The following SCNN1G variants were observed in gnomAD, a reference collection of about 807,000 sequenced individuals.
SCNN1G encodes the protein sodium channel epithelial 1 subunit gamma, also known as epithelial sodium channel subunit gamma.
A neutral mutation model predicts 64.6 loss-of-function variants in SCNN1G; 27 were observed. That is an observed-to-expected ratio of 0.42 (90% CI 0.31 to 0.58). The LOEUF is 0.58. SCNN1G is among the 20% of genes least tolerant of loss of function. The pLI, the probability that SCNN1G is intolerant of heterozygous loss-of-function variation, is 0.18. For synonymous variants in SCNN1G, 330 were observed against 314.2 expected, an observed-to-expected ratio of 1.05 and a Z score of -0.53; for missense variants, 743 against 823.4, an observed-to-expected ratio of 0.90 and a Z score of 1.19.
intron 5 of SCNN1G, among the ~76,000 whole-genome samples, chr16:23,196,902 G>A (rs1050902270): frequency 3.9e-5 from 6 of 152,166 alleles, no homozygotes; most frequent in South Asian, 2.1e-4. Flanking sequence ...TTAAGCAGCC[G>A]GAGCAATGCA....
At chr16:23,205,322 A>G (rs530224018) in intron 6 of SCNN1G, among the ~76,000 whole-genome samples, 23 of 152,102 alleles carry the variant, frequency 1.5e-4, no homozygotes, top group Admixed American at 1.2e-3. Flanking sequence ...CAACCCCCTT[A>G]CGCCCACGGT....
At chr16:23,184,246 T>C (rs1223271879) in intron 1 of SCNN1G, among the ~76,000 whole-genome samples, 4 of 152,156 alleles carry the variant, frequency 2.6e-5, no homozygotes, top group African/African-American at 9.7e-5. Context: ...AGGTCGGTTC[T>C]GGGGAAGGGG....
At chr16:23,192,563 T>C in intron 4 of SCNN1G, 21 bp downstream of exon 4, 2 of 1,599,458 alleles carry the variant, frequency 1.3e-6, no homozygotes, top group East Asian at 4.5e-5. Flanking sequence ...AATGCTGCTC[T>C]CTCAGCCTCT....
At chr16:23,185,332 C>T (rs954406643) in intron 1 of SCNN1G, among the ~76,000 whole-genome samples, 3 of 152,174 alleles carry the variant, frequency 2.0e-5, no homozygotes, top group African/African-American at 7.2e-5. Flanking sequence ...ATATTATAAA[C>T]ATGAAATGAG....
chr16:23,211,587 A>C (rs1363224192), intron 7 of SCNN1G, among the ~76,000 whole-genome samples: 2 of 152,144 alleles, frequency 1.3e-5, no homozygotes, highest in Non-Finnish European at 2.9e-5. Flanking sequence ...AGGTGGGAGG[A>C]TCACTTGAGG....
chr16:23,198,808 C>A (rs953285112), intron 6 of SCNN1G, among the ~76,000 whole-genome samples: 1 of 150,958 alleles, frequency 6.6e-6, no homozygotes, highest in Non-Finnish European at 1.5e-5. Context: ...TAGTCCCAGC[C>A]ACTCAGGAGG....
intron 6 of SCNN1G, among the ~76,000 whole-genome samples, chr16:23,198,574 C>T (rs914943416): frequency 2.0e-5 from 3 of 146,948 alleles, no homozygotes; most frequent in East Asian, 2.1e-4. Context: ...CTACCAAAAA[C>T]GAAATACAAA....
chr16:23,212,989 G>C (rs1960104863), intron 10 of SCNN1G, 95 bp downstream of exon 10: 1 of 1,532,494 alleles, frequency 6.5e-7, no homozygotes. Flanking sequence ...CATGGTCCAG[G>C]GGGAAAAGAA....
In SCNN1G at chr16:23,215,229, G is replaced by A. The variant is rs765932573; in HGVS notation, c.1710G>A (p.Lys570=). 1.2e-5 allele frequency: 20 copies of A among 1,614,066 alleles called. No homozygotes were observed. The highest frequency in any genetic ancestry group is 1.5e-5 in the Non-Finnish European group (18 of 1,180,032). Residue 570 remains lysine (K), a synonymous_variant, in exon 13 of 13, where the codon AAG becomes AAA. Coordinates refer to ENST00000300061, the MANE Select transcript of SCNN1G (RefSeq NM_001039.4). ...CCCGCCGCCAGTGGCAGAAAGCCAAGGAGTGGTGGGCCTGGAAACAGGCTC... is the reference window on the plus strand; with the variant it reads ...CCCGCCGCCAGTGGCAGAAAGCCAAAGAGTGGTGGGCCTGGAAACAGGCTC... ...IIARRQWQKA[K]EWWAWKQAPP... is the part of the protein sequence containing the mutation.
intron 6 of SCNN1G, among the ~76,000 whole-genome samples, chr16:23,198,569 A>G (rs779350180): frequency 5.9e-5 from 9 of 151,830 alleles, no homozygotes; most frequent in Non-Finnish European, 7.4e-5. Flanking sequence ...CATCTCTACC[A>G]AAAACGAAAT....
intron 6 of SCNN1G, among the ~76,000 whole-genome samples, chr16:23,209,218 C>G (rs980062555): frequency 1.3e-5 from 2 of 152,122 alleles, no homozygotes; most frequent in Non-Finnish European, 2.9e-5. Context: ...GCCTTGACCT[C>G]CTGGGCTCAA....
At position 23,194,023 on chromosome 16, in the gene SCNN1G, C is replaced by T; in HGVS notation, c.810-148C>T. 1.0e-5 allele frequency: 7 copies of T among 694,050 alleles called. No individual in the cohort carries two copies. In the South Asian group the frequency reaches 1.1e-4, roughly 11 times the overall value. 43.0% of individuals were successfully genotyped at this position (694,050 alleles called of 1,614,324 possible). The stretch of plus-strand genomic sequence containing the variant: ...AACCAGGATGAGGGGCCTTGTTTGT[C>T]ATTTGATCAGGAGCAAGATGGGGAA... On this transcript the variant is annotated intron_variant, in intron 4 of 12. Coordinates refer to ENST00000300061, the MANE Select transcript of SCNN1G (RefSeq NM_001039.4).
At chr16:23,187,671 A>G (rs1392118155) in intron 2 of SCNN1G, among the ~76,000 whole-genome samples, 3 of 152,118 alleles carry the variant, frequency 2.0e-5, no homozygotes, top group African/African-American at 7.2e-5. Flanking sequence ...AGCTGCCCCA[A>G]ACCCTCATCT....
chr16:23,194,786 G>C (rs1280639082), intron 5 of SCNN1G: 11 of 179,390 alleles, frequency 6.1e-5, no homozygotes, highest in Non-Finnish European at 1.3e-4. Context: ...TTACTGACAG[G>C]ACTTAAGATA....
At chr16:23,197,152 C>A in intron 5 of SCNN1G, 112 bp from the exon 6 acceptor site, 2 of 866,094 alleles carry the variant, frequency 2.3e-6, no homozygotes, top group Non-Finnish European at 1.9e-6. Flanking sequence ...CTGTCACTTG[C>A]TAGAAATACC....
In SCNN1G at chr16:23,202,869, G is replaced by T. The variant is rs546668464; in HGVS notation, c.1077+5442G>T. On this transcript the variant is annotated intron_variant, in intron 6 of 12. Transcript: ENST00000300061. ...GTTTTTGGGAGAAGATGACCACTTC[G>T]ATTTGGGACAGACCCAATTTGTTAT... Among the ~76,000 whole-genome samples, 4 of 152,294 alleles carry T rather than the reference G, an allele frequency of 2.6e-5. No individual in the cohort carries two copies. In the East Asian group the frequency reaches 7.7e-4, roughly 29 times the overall value.
intron 5 of SCNN1G, among the ~76,000 whole-genome samples, chr16:23,195,565 G>A (rs1005121042): frequency 6.6e-6 from 1 of 152,196 alleles, no homozygotes; most frequent in African/African-American, 2.4e-5. Flanking sequence ...CTCTTACTAA[G>A]TCTGCAAGAA....
Position 23,192,277 on chromosome 16 carries a change from A to T in SCNN1G, c.619-75A>T, listed in dbSNP as rs990770929. ...GAGTATCTGGCCTGGAGTCTCAGTC[A>T]CTCATTCTTATGGTCCTTCTGAAGA... On this transcript the variant is annotated intron_variant, in intron 3 of 12. Transcript: ENST00000300061. 5 of 1,207,508 alleles carry T rather than the reference A, an allele frequency of 4.1e-6. No homozygotes were observed. In the East Asian group the frequency reaches 1.2e-4, roughly 28 times the overall value. 74.8% of individuals were successfully genotyped at this position (1,207,508 alleles called of 1,614,324 possible). A position where few individuals can be genotyped will look rare whatever the true frequency, so the allele number is the denominator to read the frequency against.
intron 1 of SCNN1G, among the ~76,000 whole-genome samples, chr16:23,185,067 G>C (rs964719338): frequency 6.6e-6 from 1 of 152,140 alleles, no homozygotes; most frequent in Non-Finnish European, 1.5e-5. Flanking sequence ...TGCACCCAGC[G>C]TACTACCAGG....
Sources: allele counts gnomAD v4.1 joint callset (sites outside exome capture counted in the v4.1 genomes callset), GRCh38; gene constraint gnomAD v4.1.1; transcripts MANE v1.5; gene names NCBI Gene and HGNC (gene_info 2026-07-23, HGNC 2026-07-21).